Variants in TRPM1 observed in about 807,000 individuals in gnomAD.
TRPM1 encodes the protein TRPM1-203 APA Isoform, Intron 10.
Under a neutral mutation model 149.4 loss-of-function variants are expected in TRPM1, and 113 were observed. The ratio of observed to expected loss-of-function variants is 0.76; its 90% confidence interval spans 0.65 to 0.88. The LOEUF is 0.88. TRPM1 is among the 40% of genes least tolerant of loss of function. The pLI is 0.00. For synonymous variants in TRPM1, 741 were observed against 759.5 expected (o/e 0.98, Z 0.40); for missense variants, 1,976 against 2,038.7 (o/e 0.97, Z 0.59).
intron 1 of TRPM1, among the ~76,000 whole-genome samples, chr15:31,135,189 A>G (rs8028220): frequency 0.3 from 45,418 of 151,944 alleles, 6,893 homozygotes; most frequent in South Asian, 0.32. Context: ...CTTTAGAAGT[A>G]AACACTGACG....
At chr15:31,130,383 C>T (rs2036001681) in intron 1 of TRPM1, among the ~76,000 whole-genome samples, 1 of 152,180 alleles carries the variant, frequency 6.6e-6, no homozygotes, top group Non-Finnish European at 1.5e-5. Flanking sequence ...TGGGTGTAGG[C>T]TGAACTAACT....
chr15:31,053,411 C>T lies in TRPM1; in HGVS notation c.1264-2829G>A, dbSNP rs967218418. Reference sequence around the variant, plus strand: ...GACTACAGATGTGTGCCACCACTCCCGGCTCATTTTTTTTTTTTTTTCTGT... The same window carrying T: ...GACTACAGATGTGTGCCACCACTCCTGGCTCATTTTTTTTTTTTTTTCTGT... On this transcript the variant is annotated intron_variant, in intron 11 of 27. Transcript: ENST00000256552. Among the ~76,000 whole-genome samples, 125 of 119,586 alleles carry T rather than the reference C, an allele frequency of 1.0e-3. 4 individuals are homozygous for T. The highest frequency in any genetic ancestry group is 8.3e-4 in the Admixed American group (8 of 9,632). 78.5% of individuals were successfully genotyped at this position (119,586 alleles called of 152,430 possible).
intron 3 of TRPM1, among the ~76,000 whole-genome samples, chr15:31,075,021 C>T (rs2034653482): frequency 6.6e-6 from 1 of 151,998 alleles, no homozygotes; most frequent in Non-Finnish European, 1.5e-5. Context: ...AATTTTATTA[C>T]ATTGTGGTTG....
intron 1 of TRPM1, among the ~76,000 whole-genome samples, chr15:31,109,660 A>C (rs1456600338): frequency 1.3e-5 from 2 of 151,258 alleles, no homozygotes; most frequent in Non-Finnish European, 2.9e-5. Flanking sequence ...AGATCATGCC[A>C]CTGCACTCCA....
At position 31,026,228 on chromosome 15, in the gene TRPM1, G is replaced by A. The variant is rs2032741633; in HGVS notation, c.3540C>T (p.Phe1180=). 4 of 1,612,268 alleles carry A rather than the reference G, an allele frequency of 2.5e-6. No individual in the cohort carries two copies. The Admixed American group carries it at 5.0e-5, about 20-fold the overall frequency. The change falls in exon 27 of 28, where the codon TTC becomes TTT. Residue 1180 remains phenylalanine (F), a synonymous_variant. Coordinates refer to ENST00000256552, the MANE Select transcript of TRPM1 (RefSeq NM_001252024.2). ...SDEELKRLHE[F]EEQCVQEHFR... ...AGTGCTCCTGCACGCACTGCTCCTCGAACTCATGCAGCCTCTTTAGCTCCT... is the reference window on the plus strand; with the variant it reads ...AGTGCTCCTGCACGCACTGCTCCTCAAACTCATGCAGCCTCTTTAGCTCCT...
chr15:31,034,096 T>C (rs1293231732), intron 21 of TRPM1, among the ~76,000 whole-genome samples: 1 of 152,180 alleles, frequency 6.6e-6, no homozygotes, highest in African/African-American at 2.4e-5. Flanking sequence ...GCTGTGGGCT[T>C]TTTCAGCTCA....
chr15:31,086,323 T>G (rs940793095), intron 1 of TRPM1, among the ~76,000 whole-genome samples: 1 of 152,236 alleles, frequency 6.6e-6, no homozygotes, highest in Non-Finnish European at 1.5e-5. Context: ...GGCATCAGAC[T>G]GGATGCCTGG....
chr15:31,105,704 G>A (rs1368283295), upstream of TRPM1, among the ~76,000 whole-genome samples: 3 of 152,192 alleles, frequency 2.0e-5, no homozygotes, highest in Admixed American at 6.5e-5. Context: ...CAGTTTAAAA[G>A]ACTGTTTTGT....
At chr15:31,077,394 G>A (rs1159711488) in intron 2 of TRPM1, among the ~76,000 whole-genome samples, 1 of 152,142 alleles carries the variant, frequency 6.6e-6, no homozygotes, top group Non-Finnish European at 1.5e-5. Context: ...AGGCCCTGCT[G>A]GTGCTGGATG....
At chr15:31,153,524 C>T (rs1047415687) in intron 1 of TRPM1, among the ~76,000 whole-genome samples, 3 of 152,114 alleles carry the variant, frequency 2.0e-5, no homozygotes, top group Non-Finnish European at 2.9e-5. Flanking sequence ...AGGGTTTCAC[C>T]ATGTTGGCCA....
chr15:31,088,988 G>A (rs1331968475), intron 1 of TRPM1, among the ~76,000 whole-genome samples: 2 of 152,172 alleles, frequency 1.3e-5, no homozygotes, highest in Non-Finnish European at 2.9e-5. Context: ...CTTGGCTGAT[G>A]GGCAGTTCTA....
intron 27 of TRPM1, among the ~76,000 whole-genome samples, chr15:31,010,661 TA>T (rs1011530002): frequency 2.6e-5 from 4 of 152,228 alleles, no homozygotes; most frequent in African/African-American, 9.6e-5. Flanking sequence ...TAAATCTTTT[TA>T]AAACTTATTG....
chr15:31,136,661 C>T (rs2036091966), intron 1 of TRPM1, among the ~76,000 whole-genome samples: 1 of 152,080 alleles, frequency 6.6e-6, no homozygotes, highest in Admixed American at 6.5e-5. Context: ...AGTTCCATCT[C>T]CCTGTCCTTG....
At chr15:31,116,831 T>C (rs1449614554) in intron 1 of TRPM1, among the ~76,000 whole-genome samples, 1 of 152,144 alleles carries the variant, frequency 6.6e-6, no homozygotes, top group Non-Finnish European at 1.5e-5. Context: ...GTAAACAGTG[T>C]AATCCCTGGC....
At position 31,002,071 on chromosome 15, in the gene TRPM1, C is replaced by A. The variant is rs1452313041; in HGVS notation, c.4629G>T (p.Leu1543Phe). ...CATTTCTGTCAGTAATGGTTAGGGA[C>A]AAGCGAGGGATTCGAGGAATTGCTT... is the stretch of plus-strand genomic sequence containing the variant. ...VAEAIPRIPR[L>F]SLTITDRNGM... is the part of the protein sequence containing the mutation. The change falls in exon 28 of 28, where the codon TTG becomes TTT. Residue 1543 changes from leucine to phenylalanine, a missense_variant. Physicochemically the swap from Leu to Phe is conservative, Grantham distance 22 (BLOSUM62 0). Coordinates refer to ENST00000256552, the MANE Select transcript of TRPM1 (RefSeq NM_001252024.2). 6.2e-7 allele frequency: 1 copy of A among 1,614,228 alleles called. No individual in the cohort carries two copies. The highest frequency in any genetic ancestry group is 1.7e-5 in the Admixed American group (1 of 60,026).
intron 1 of TRPM1, among the ~76,000 whole-genome samples, chr15:31,128,545 TG>T (rs1338788305): frequency 3.3e-5 from 5 of 152,120 alleles, no homozygotes; most frequent in Admixed American, 6.5e-5. Context: ...TTATTTCAGG[TG>T]CCACAACCCC....
intron 1 of TRPM1, among the ~76,000 whole-genome samples, chr15:31,088,744 C>G (rs889647454): frequency 2.0e-5 from 3 of 150,864 alleles, no homozygotes; most frequent in South Asian, 2.1e-4. Context: ...ATTCGTCTTC[C>G]TGCTACCTGT....
intron 3 of TRPM1, among the ~76,000 whole-genome samples, chr15:31,070,781 C>T (rs1203534802): frequency 6.6e-6 from 1 of 152,180 alleles, no homozygotes; most frequent in Non-Finnish European, 1.5e-5. Context: ...TCTCGAACTC[C>T]TGGGCTCAAG....
chr15:31,072,018 T>TATATATAGAG (rs1400392427), intron 3 of TRPM1, among the ~76,000 whole-genome samples: 2 of 36,908 alleles, frequency 5.4e-5, no homozygotes, highest in African/African-American at 2.2e-4. Flanking sequence ...TATATATATA[T>TATATATAGAG]AGAGAGAGAG....
Sources: gnomAD v4.1 joint callset for allele counts (sites outside exome capture counted in the v4.1 genomes callset) on GRCh38, gnomAD v4.1.1 for gene constraint, MANE v1.5 for transcripts, NCBI Gene and HGNC (gene_info 2026-07-23, HGNC 2026-07-21) for gene names.